Variants in STRIP2 observed in about 807,000 individuals in gnomAD.
STRIP2 encodes striatin-interacting protein 2.
In STRIP2, 84 loss-of-function variants were observed where a neutral mutation model predicts 107.1. That is an observed-to-expected ratio of 0.78 (90% CI 0.66 to 0.94). STRIP2 has a LOEUF of 0.94. Ranked by LOEUF, STRIP2 falls within the 40% of genes least tolerant of loss-of-function variation. STRIP2 has a pLI of 0.00. For missense variants in STRIP2, 888 were observed against 1,034.2 expected (o/e 0.86, Z 1.94); for synonymous variants, 394 against 400.4 (o/e 0.98, Z 0.19).
intron 20 of STRIP2, among the ~76,000 whole-genome samples, 169 bp from the exon 21 acceptor site, chr7:129,485,410 C>G (rs560906542): frequency 6.3e-5 from 9 of 142,790 alleles, no homozygotes; most frequent in Non-Finnish European, 1.0e-4. Flanking sequence ...TTTTTTAAAC[C>G]TAAGTGTCAG....
intron 18 of STRIP2, among the ~76,000 whole-genome samples, chr7:129,472,337 T>C (rs1798807654): frequency 6.6e-6 from 1 of 152,208 alleles, no homozygotes; most frequent in Admixed American, 6.5e-5. Context: ...AACCACACTT[T>C]CACATCTCTC....
At chr7:129,473,917 C>T (rs1287056533) in intron 18 of STRIP2, among the ~76,000 whole-genome samples, 3 of 151,854 alleles carry the variant, frequency 2.0e-5, no homozygotes, top group African/African-American at 4.8e-5. Context: ...CAGTGTTGTA[C>T]TGTGTTAGCC....
chr7:129,443,993 G>A (rs902592269), intron 2 of STRIP2, 31 bp from the exon 3 acceptor site: 5 of 1,574,706 alleles, frequency 3.2e-6, no homozygotes, highest in South Asian at 2.2e-5. Context: ...AGGATCTCCC[G>A]AATGTGACTG....
At chr7:129,442,249 C>T (rs1797921027) in intron 2 of STRIP2, among the ~76,000 whole-genome samples, 1 of 151,904 alleles carries the variant, frequency 6.6e-6, no homozygotes, top group Non-Finnish European at 1.5e-5. Flanking sequence ...ATAATAAATG[C>T]TAAAGATAAA....
chr7:129,481,256 T>C (rs1442570683), intron 19 of STRIP2, among the ~76,000 whole-genome samples: 1 of 152,148 alleles, frequency 6.6e-6, no homozygotes, highest in African/African-American at 2.4e-5. Flanking sequence ...CCCAGCACTT[T>C]GGGAAGCCGA....
Position 129,464,099 on chromosome 7 carries a change from ACT to A in STRIP2, c.1610_1611del (p.Ser537TyrfsTer10), listed in dbSNP as rs1395666723. 6 of 1,613,180 alleles carry A rather than the reference ACT, an allele frequency of 3.7e-6. No individual in the cohort carries two copies. The highest frequency in any genetic ancestry group is 5.1e-6 in the Non-Finnish European group (6 of 1,179,994). On this transcript the variant is annotated frameshift_variant, in exon 15 of 21. Coordinates refer to ENST00000249344, the MANE Select transcript of STRIP2 (RefSeq NM_020704.3). LOFTEE classifies it high-confidence loss of function. ...GCTCCCACCTCTAAGGCTAAGACAG[ACT>A]CTATCAATATCCTGGCAGATGTCCT...
intron 17 of STRIP2, 108 bp downstream of exon 17, chr7:129,467,558 C>A (rs918425880): frequency 6.2e-6 from 4 of 641,202 alleles, no homozygotes; most frequent in African/African-American, 5.5e-5. Context: ...TCCCTCCTGT[C>A]TTAGAGCTGT....
intron 1 of STRIP2, among the ~76,000 whole-genome samples, chr7:129,436,058 T>A (rs1474104996): frequency 6.6e-6 from 1 of 152,136 alleles, no homozygotes; most frequent in African/African-American, 2.4e-5. Context: ...CCTCCCTACT[T>A]CAAGATGAGT....
At chr7:129,445,646 A>C (rs904701385) in intron 3 of STRIP2, among the ~76,000 whole-genome samples, 26 of 152,188 alleles carry the variant, frequency 1.7e-4, no homozygotes, top group African/African-American at 5.8e-4. Context: ...AAGTATTGTC[A>C]CCTAGTTGGC....
At chr7:129,470,627 T>C in intron 17 of STRIP2, 22 bp from the exon 18 acceptor site, 1 of 1,607,534 alleles carries the variant, frequency 6.2e-7, no homozygotes, top group South Asian at 1.1e-5. Context: ...CTAAAGCCTG[T>C]CCTTATCTCT....
intron 20 of STRIP2, among the ~76,000 whole-genome samples, chr7:129,484,103 T>C (rs1799190121): frequency 6.6e-6 from 1 of 152,194 alleles, no homozygotes; most frequent in African/African-American, 2.4e-5. Context: ...ACTAGGCCAG[T>C]TGTCCTGCAA....
chr7:129,444,113 T>G lies in STRIP2; in HGVS notation c.274+15T>G, dbSNP rs760966240. 8 of 1,597,236 alleles carry G rather than the reference T, an allele frequency of 5.0e-6. No homozygotes were observed. In the Admixed American group the frequency reaches 8.4e-5, roughly 17 times the overall value. On this transcript the variant is annotated intron_variant, in intron 3 of 20. Coordinates refer to ENST00000249344, the MANE Select transcript of STRIP2 (RefSeq NM_020704.3). Reference sequence around the variant, plus strand: ...CAAGACTCAAGGTAATTCCAGATCTTTACTCATAGAGACCTGCTTTTTCCT... The same window carrying G: ...CAAGACTCAAGGTAATTCCAGATCTGTACTCATAGAGACCTGCTTTTTCCT...
chr7:129,474,574 ATC>A (rs1341214936), intron 18 of STRIP2, among the ~76,000 whole-genome samples: 1 of 151,822 alleles, frequency 6.6e-6, no homozygotes, highest in African/African-American at 2.4e-5. Context: ...CAGTGGCGCA[ATC>A]TCTGCTCACT....
At chr7:129,464,354 G>A (rs1184802919) in intron 15 of STRIP2, among the ~76,000 whole-genome samples, 2 of 151,924 alleles carry the variant, frequency 1.3e-5, no homozygotes, top group East Asian at 3.9e-4. Flanking sequence ...CAGTGCCAGC[G>A]ACTGGCTGCC....
chr7:129,464,012 A>G (rs1798608552), intron 14 of STRIP2, 32 bp from the exon 15 acceptor site: 1 of 1,565,852 alleles, frequency 6.4e-7, no homozygotes, highest in African/African-American at 1.4e-5. Flanking sequence ...TGGGTTTGAC[A>G]GTGGTAAATT....
Position 129,470,673 on chromosome 7 carries a change from C to CTG in STRIP2, c.1904_1905dup (p.Thr636ValfsTer34), listed in dbSNP as rs1329661831. On this transcript the variant is annotated frameshift_variant, in exon 18 of 21. Coordinates refer to ENST00000249344, the MANE Select transcript of STRIP2 (RefSeq NM_020704.3). LOFTEE classifies it high-confidence loss of function. ...GCATCTCAGTCCTGGATTATCCTTG[C>CTG]TGTACCATCCAGGATTTGCCGGAGC... is the stretch of plus-strand genomic sequence containing the variant. 6 of 1,613,828 alleles carry CTG rather than the reference C, an allele frequency of 3.7e-6. No individual in the cohort carries two copies. The highest frequency in any genetic ancestry group is 5.1e-6 in the Non-Finnish European group (6 of 1,179,812).
Position 129,458,457 on chromosome 7 carries a change from T to G in STRIP2, c.1274+7T>G, listed in dbSNP as rs369704686. The G allele has an allele frequency of 1.9e-6, 3 of 1,562,600 alleles. No homozygotes were observed. Among genetic ancestry groups the G allele is most frequent in the Non-Finnish European group, 2.6e-6 (3 of 1,155,138 alleles). ...CCTGGGCCCCAAAGGTCAGGTAGGT[T>G]TGATAGCATCAGGGACCCCTATGCT... On this transcript the variant is annotated splice_region_variant and intron_variant, in intron 10 of 20. Coordinates refer to ENST00000249344, the MANE Select transcript of STRIP2 (RefSeq NM_020704.3). The surrounding 1 kb of genome is among the most constrained non-coding windows in gnomAD (Gnocchi z 4.6).
chr7:129,475,338 TTTTA>T (rs1343020039), intron 18 of STRIP2, among the ~76,000 whole-genome samples: 1 of 151,754 alleles, frequency 6.6e-6, no homozygotes, highest in African/African-American at 2.4e-5. Flanking sequence ...CTTTTTATTT[TTTTA>T]TTTTTTATTT....
chr7:129,485,002 A>G (rs1799210183), intron 20 of STRIP2, among the ~76,000 whole-genome samples: 2 of 152,204 alleles, frequency 1.3e-5, no homozygotes, highest in South Asian at 4.1e-4. Context: ...TCATCTTAAA[A>G]TAAGCTGACA....
Sources: allele counts gnomAD v4.1 joint callset (sites outside exome capture counted in the v4.1 genomes callset), GRCh38; gene constraint gnomAD v4.1.1; non-coding constraint Gnocchi (gnomAD v3.1); transcripts MANE v1.5; gene names NCBI Gene and HGNC (gene_info 2026-07-23, HGNC 2026-07-21).